The following CSMD1 variants were observed in gnomAD, a reference collection of about 807,000 sequenced individuals.
CSMD1 encodes CUB and sushi domain-containing protein 1.
Under a neutral mutation model 417.5 loss-of-function variants are expected in CSMD1, and 213 were observed. The observed-to-expected ratio is 0.51, with a 90% confidence interval of 0.46 to 0.57. The LOEUF is 0.57. Among genes scored for constraint, CSMD1 ranks in the 20% least tolerant of loss-of-function variants. The probability of loss-of-function intolerance (pLI) is 0.00; values close to 1 mark genes in which losing one functional copy is unlikely to be tolerated. For missense variants in CSMD1, 6,923 were observed against 4,529.7 expected (o/e 1.53, Z -15.17); for synonymous variants, 2,862 against 1,736.8 (o/e 1.65, Z -16.11).
intron 3 of CSMD1, among the ~76,000 whole-genome samples, chr8:4,395,721 T>C (rs535015041): frequency 1.3e-5 from 2 of 152,202 alleles, no homozygotes; most frequent in Non-Finnish European, 1.5e-5. Flanking sequence ...TTTGTAAAAT[T>C]AGCAGCTACA....
intron 1 of CSMD1, among the ~76,000 whole-genome samples, chr8:4,792,766 T>G (rs1178469902): frequency 1.3e-5 from 2 of 152,236 alleles, no homozygotes; most frequent in African/African-American, 4.8e-5. Flanking sequence ...ACGGGGTGTT[T>G]TGTCACTCAG....
At chr8:3,246,760 A>T (rs916690438) in intron 26 of CSMD1, among the ~76,000 whole-genome samples, 3 of 152,180 alleles carry the variant, frequency 2.0e-5, no homozygotes, top group African/African-American at 7.2e-5. Context: ...GGTGTGAACC[A>T]CCGGGCCTGG....
At chr8:3,013,698 G>C (rs1296817082) in intron 52 of CSMD1, among the ~76,000 whole-genome samples, 1 of 151,322 alleles carries the variant, frequency 6.6e-6, no homozygotes, top group African/African-American at 2.4e-5. Context: ...GTTGCAGTGA[G>C]CTGAGATCAC....
rs368263643 is a variant in CSMD1, at chr8:3,399,530, C to T, written c.2267-1G>A. On this transcript the variant is annotated splice_acceptor_variant, in intron 15 of 69. Transcript: ENST00000635120. LOFTEE classifies it high-confidence loss of function. ...GCTGTCAGATGTCCACCACATGGAG[C>T]TAAAACAAGACGTAGAATATCTATT... 2 of 1,582,052 alleles carry T rather than the reference C, an allele frequency of 1.3e-6. No homozygotes were observed. Among genetic ancestry groups the T allele is most frequent in the Non-Finnish European group, 1.7e-6 (2 of 1,166,700 alleles).
Position 3,986,709 on chromosome 8 carries a change from T to C in CSMD1, c.818+11194A>G, listed in dbSNP as rs1381298877. ...TTACAAGCATTTTACCATGGAAAATTTATCATGTTTCAGTTTTGCTCAAAG... is the reference window on the plus strand; with the variant it reads ...TTACAAGCATTTTACCATGGAAAATCTATCATGTTTCAGTTTTGCTCAAAG... On this transcript the variant is annotated intron_variant, in intron 5 of 69. Transcript: ENST00000635120. Among the ~76,000 whole-genome samples, 3 of 152,164 alleles carry C rather than the reference T, an allele frequency of 2.0e-5. No homozygotes were observed. In the South Asian group the frequency reaches 6.2e-4, roughly 32 times the overall value.
intron 3 of CSMD1, among the ~76,000 whole-genome samples, chr8:4,075,110 G>A (rs953636621): frequency 1.3e-5 from 2 of 152,042 alleles, no homozygotes; most frequent in Non-Finnish European, 2.9e-5. Flanking sequence ...GAACAAAGTT[G>A]AATACAGTAA....
chr8:3,092,592 T>C (rs1409700973), intron 47 of CSMD1, among the ~76,000 whole-genome samples: 1 of 152,216 alleles, frequency 6.6e-6, no homozygotes, highest in East Asian at 1.9e-4. Context: ...CTGAAATTCA[T>C]ATCTAGTTTT....
rs138179319 is a variant in CSMD1 at position 4,210,104 on chromosome 8, C to A, written c.416-178005G>T. Among the ~76,000 whole-genome samples, 541 of 152,284 alleles carry A rather than the reference C, an allele frequency of 3.6e-3. 1 individual carries two copies. Among genetic ancestry groups the A allele is most frequent in the African/African-American group, 0.012 (518 of 41,564 alleles). On this transcript the variant is annotated intron_variant, in intron 3 of 69. Coordinates refer to ENST00000635120, the MANE Select transcript of CSMD1 (RefSeq NM_033225.6). ...TCACCAGCCCTGTACCAGGAGAGCT[C>A]CTGATCATTTTCCTCCTTCCTGGGC...
intron 3 of CSMD1, among the ~76,000 whole-genome samples, chr8:4,381,839 C>G (rs1489288410): frequency 6.6e-6 from 1 of 152,088 alleles, no homozygotes; most frequent in East Asian, 1.9e-4. Flanking sequence ...CCTGCTTCAC[C>G]AAAGCTCAGC....
At chr8:3,071,080 G>A (rs1365665919) in intron 49 of CSMD1, among the ~76,000 whole-genome samples, 1 of 152,098 alleles carries the variant, frequency 6.6e-6, no homozygotes. Context: ...GGGTGGGGAT[G>A]CCACACACCC....
intron 3 of CSMD1, among the ~76,000 whole-genome samples, chr8:4,419,584 A>G (rs1217533): frequency 0.014 from 2,192 of 152,306 alleles, 56 homozygotes; most frequent in African/African-American, 0.049. Context: ...CTCAAGCACT[A>G]TCAGTATAAT....
chr8:3,484,526 G>C (rs1033119009), intron 11 of CSMD1, among the ~76,000 whole-genome samples: 1 of 152,178 alleles, frequency 6.6e-6, no homozygotes, highest in African/African-American at 2.4e-5. Context: ...AGTACAGCTA[G>C]GCAAAGAATC....
chr8:4,317,203 T>C (rs1798984554), intron 3 of CSMD1, among the ~76,000 whole-genome samples: 1 of 152,206 alleles, frequency 6.6e-6, no homozygotes, highest in Non-Finnish European at 1.5e-5. Context: ...ATGGGTTATA[T>C]TTTATTTACA....
chr8:3,042,637 C>T (rs759547027), intron 50 of CSMD1, among the ~76,000 whole-genome samples: 11 of 152,010 alleles, frequency 7.2e-5, no homozygotes, highest in Non-Finnish European at 1.2e-4. Context: ...ATGGAGCAAC[C>T]GAGCAACCTT....
chr8:4,616,493 ACT>A (rs890427636), intron 2 of CSMD1, among the ~76,000 whole-genome samples: 7 of 152,224 alleles, frequency 4.6e-5, no homozygotes, highest in Admixed American at 4.6e-4. Context: ...TCTCCTGCTC[ACT>A]CTCTCTAAAT....
intron 5 of CSMD1, among the ~76,000 whole-genome samples, chr8:3,957,995 G>A (rs545025201): frequency 1.9e-4 from 29 of 152,148 alleles, no homozygotes; most frequent in Non-Finnish European, 3.1e-4. Context: ...CTTGCTTAAC[G>A]TTCTAGATTA....
At chr8:4,649,977 C>T (rs899420096) in intron 1 of CSMD1, among the ~76,000 whole-genome samples, 5 of 152,156 alleles carry the variant, frequency 3.3e-5, no homozygotes, top group African/African-American at 9.7e-5. Flanking sequence ...GACACAGCTG[C>T]CTTGAACATA....
intron 5 of CSMD1, among the ~76,000 whole-genome samples, chr8:3,945,364 A>G (rs1056913950): frequency 1.2e-4 from 18 of 152,138 alleles, no homozygotes; most frequent in Non-Finnish European, 2.4e-4. Flanking sequence ...AAGCTTTCAT[A>G]AAGGTAACAA....
At chr8:3,418,357 C>G (rs1304285815) in intron 12 of CSMD1, among the ~76,000 whole-genome samples, 1 of 152,082 alleles carries the variant, frequency 6.6e-6, no homozygotes, top group Admixed American at 6.6e-5. Flanking sequence ...ATAGCACTGT[C>G]CAAATTATTT....
Sources: gnomAD v4.1 joint callset for allele counts (sites outside exome capture counted in the v4.1 genomes callset) on GRCh38, gnomAD v4.1.1 for gene constraint, MANE v1.5 for transcripts, NCBI Gene and HGNC (gene_info 2026-07-23, HGNC 2026-07-21) for gene names.